The following KCNB2 variants were observed in gnomAD, a reference collection of about 807,000 sequenced individuals.
The protein encoded by KCNB2 is potassium voltage-gated channel subfamily B member 2.
KCNB2 carries 15 observed loss-of-function variants against 61.5 expected under a neutral mutation model. That is an observed-to-expected ratio of 0.24 (90% CI 0.16 to 0.38). The LOEUF is 0.38. Among genes scored for constraint, KCNB2 ranks in the 10% least tolerant of loss-of-function variants. The pLI is 1.00. For missense variants in KCNB2, 828 were observed against 1,125.2 expected, an observed-to-expected ratio of 0.74 and a Z score of 3.78; for synonymous variants, 457 against 446.0, an observed-to-expected ratio of 1.02 and a Z score of -0.31.
intron 2 of KCNB2, among the ~76,000 whole-genome samples, chr8:72,711,865 A>G (rs1807332362): frequency 1.3e-5 from 2 of 152,128 alleles, no homozygotes; most frequent in Admixed American, 6.5e-5. Flanking sequence ...GGTTGCAGGC[A>G]CCTGTAATCC....
chr8:72,716,819 C>T (rs1417974048), intron 2 of KCNB2, among the ~76,000 whole-genome samples: 3 of 151,990 alleles, frequency 2.0e-5, no homozygotes, highest in Non-Finnish European at 2.9e-5. Flanking sequence ...CCAGGGCAAT[C>T]AGGCAGGAGA....
intron 2 of KCNB2, among the ~76,000 whole-genome samples, chr8:72,651,753 A>G (rs1187591034): frequency 6.6e-6 from 1 of 152,160 alleles, no homozygotes; most frequent in Admixed American, 6.6e-5. Context: ...GAAATGTAAC[A>G]TCAATTTATT....
At chr8:72,565,906 A>G (rs976074316) in intron 1 of KCNB2, among the ~76,000 whole-genome samples, 4 of 152,184 alleles carry the variant, frequency 2.6e-5, no homozygotes, top group African/African-American at 9.7e-5. Context: ...ATAATAGAGA[A>G]GATGTTCTTT....
rs114681147 is a variant in KCNB2 at position 72,692,664 on chromosome 8, T to G, written c.579+124351T>G. Among the ~76,000 whole-genome samples, 800 of 152,210 alleles carry G rather than the reference T, an allele frequency of 5.3e-3. 5 individuals are homozygous for G. The highest frequency in any genetic ancestry group is 0.018 in the African/African-American group (753 of 41,540). On this transcript the variant is annotated intron_variant, in intron 2 of 2. Transcript: ENST00000523207. ...ATCTCACGTACATAATTTCACAGAT[T>G]ATATAAGACAGCTTTTATATTTCTA...
chr8:72,777,870 A>G (rs999556209), intron 2 of KCNB2, among the ~76,000 whole-genome samples: 12 of 152,152 alleles, frequency 7.9e-5, no homozygotes, highest in African/African-American at 2.7e-4. Context: ...TTGCTTTGCT[A>G]TAGAGCATGC....
chr8:72,810,363 A>G (rs1809287509), intron 2 of KCNB2, among the ~76,000 whole-genome samples: 1 of 152,192 alleles, frequency 6.6e-6, no homozygotes, highest in Non-Finnish European at 1.5e-5. Flanking sequence ...ATAAACAGAG[A>G]TTTGTGATCA....
chr8:72,934,394 C>CAAAAAA (rs11392513), intron 2 of KCNB2, among the ~76,000 whole-genome samples: 29 of 83,764 alleles, frequency 3.5e-4, no homozygotes, highest in African/African-American at 9.5e-4. Flanking sequence ...TCACCCCCCG[C>CAAAAAA]AAAAAAAAAA....
chr8:72,611,450 G>C (rs1325018244), intron 2 of KCNB2, among the ~76,000 whole-genome samples: 1 of 152,068 alleles, frequency 6.6e-6, no homozygotes, highest in Non-Finnish European at 1.5e-5. Flanking sequence ...ACTAAAGTTC[G>C]GTATCCGAAT....
intron 2 of KCNB2, among the ~76,000 whole-genome samples, chr8:72,807,543 A>G (rs762487979): frequency 3.3e-5 from 5 of 152,232 alleles, no homozygotes; most frequent in East Asian, 1.9e-4. Flanking sequence ...CTTTGCATGT[A>G]TCAGACTAAC....
chr8:72,912,478 TA>T, intron 2 of KCNB2, among the ~76,000 whole-genome samples: 1 of 125,562 alleles, frequency 8.0e-6, no homozygotes, highest in South Asian at 2.6e-4. Flanking sequence ...AAGTGGTAAC[TA>T]GCTTTTATTC....
chr8:72,568,161 CA>C lies in KCNB2; in HGVS notation c.435del (p.Glu146AsnfsTer3), dbSNP rs752059864. ...LESCCQARYH[Q>X]KKEQMNEELR... The stretch of plus-strand genomic sequence containing the variant: ...GTCCTGCTGCCAGGCCAGATATCAT[CA>C]AAAAAAAGAACAAATGAACGAAGAA... On this transcript the variant is annotated frameshift_variant, in exon 2 of 3. Coordinates refer to ENST00000523207, the MANE Select transcript of KCNB2 (RefSeq NM_004770.3). LOFTEE classifies it high-confidence loss of function. 6.2e-7 allele frequency: 1 copy of C among 1,613,092 alleles called. No individual in the cohort carries two copies. Among genetic ancestry groups the C allele is most frequent in the Non-Finnish European group, 8.5e-7 (1 of 1,179,644 alleles).
At chr8:72,900,973 C>T (rs1014246013) in intron 2 of KCNB2, among the ~76,000 whole-genome samples, 191 of 152,010 alleles carry the variant, frequency 1.3e-3, no homozygotes, top group Non-Finnish European at 2.6e-4. Flanking sequence ...ACCAATTGAC[C>T]CAGCAATCTT....
chr8:72,572,618 C>T (rs1458402181), intron 2 of KCNB2, among the ~76,000 whole-genome samples: 1 of 151,972 alleles, frequency 6.6e-6, no homozygotes, highest in Non-Finnish European at 1.5e-5. Flanking sequence ...CACACACACA[C>T]AGGCATATCT....
intron 2 of KCNB2, among the ~76,000 whole-genome samples, chr8:72,660,106 G>A (rs2128987211): frequency 6.6e-6 from 1 of 152,248 alleles, no homozygotes; most frequent in Middle Eastern, 3.4e-3. Flanking sequence ...TCACTTAACA[G>A]CAATATAACT....
At chr8:72,873,974 G>A (rs1805660788) in intron 2 of KCNB2, among the ~76,000 whole-genome samples, 1 of 152,214 alleles carries the variant, frequency 6.6e-6, no homozygotes, top group African/African-American at 2.4e-5. Context: ...AGCAGATAGA[G>A]TGTCATTTAC....
At chr8:72,745,679 T>C (rs1808050268) in intron 2 of KCNB2, among the ~76,000 whole-genome samples, 1 of 152,150 alleles carries the variant, frequency 6.6e-6, no homozygotes, top group South Asian at 2.1e-4. Flanking sequence ...AATGGGGTTT[T>C]ATTAAATAGG....
intron 2 of KCNB2, among the ~76,000 whole-genome samples, chr8:72,601,118 TTA>T (rs899175280): frequency 1.3e-5 from 2 of 152,194 alleles, no homozygotes; most frequent in Non-Finnish European, 2.9e-5. Context: ...TCATTATTTT[TTA>T]TATGTTTTAG....
intron 2 of KCNB2, among the ~76,000 whole-genome samples, chr8:72,595,275 T>C (rs969886877): frequency 5.3e-5 from 8 of 152,058 alleles, no homozygotes; most frequent in Middle Eastern, 3.4e-3. Context: ...TCTGGGTCTT[T>C]CTGATTGCTA....
intron 2 of KCNB2, among the ~76,000 whole-genome samples, chr8:72,592,125 T>C (rs1807108459): frequency 6.6e-6 from 1 of 152,156 alleles, no homozygotes. Context: ...AATGGATTAT[T>C]CATCTGCTTC....
Sources: allele counts gnomAD v4.1 joint callset (sites outside exome capture counted in the v4.1 genomes callset), GRCh38; gene constraint gnomAD v4.1.1; transcripts MANE v1.5; gene names NCBI Gene and HGNC (gene_info 2026-07-23, HGNC 2026-07-21).